The following HERC5 variants were observed in gnomAD, a reference collection of about 807,000 sequenced individuals.
HERC5 encodes E3 ISG15--protein ligase HERC5.
A neutral mutation model predicts 119.6 loss-of-function variants in HERC5; 99 were observed. The observed-to-expected ratio is 0.83, with a 90% CI of 0.70 to 0.98. HERC5 has a LOEUF of 0.98. HERC5 is among the 50% of genes least tolerant of loss of function. The probability of loss-of-function intolerance (pLI) is 0.00; values close to 1 mark genes in which losing one functional copy is unlikely to be tolerated. For missense variants in HERC5, 1,267 were observed against 1,241.3 expected (o/e 1.02, Z -0.31); for synonymous variants, 478 against 445.9 (o/e 1.07, Z -0.91).
In HERC5 at chr4:88,467,145, C is replaced by T. The variant is rs1336181014; in HGVS notation, c.998C>T (p.Thr333Ile). 1 of 1,614,148 alleles carries T rather than the reference C, an allele frequency of 6.2e-7. No homozygotes were observed. Among genetic ancestry groups the T allele is most frequent in the Non-Finnish European group, 8.5e-7 (1 of 1,180,008 alleles). The change falls in exon 7 of 23, where the codon ACA (threonine) becomes ATA (isoleucine). Residue 333 changes from threonine to isoleucine, a missense_variant. Physicochemically the swap from Thr to Ile is moderately conservative, Grantham distance 89 (BLOSUM62 -1). This residue lies in a region of HERC5 where 777 missense variants were observed against 758.0 expected (regional missense o/e 1.03). Transcript: ENST00000264350. ...GATGGACAACTGGGAAATGGTGGAA[C>T]ACGTGACCAGCTGATGCCGCTTCCA... ...GKDGQLGNGG[T>I]RDQLMPLPVK... is the part of the protein sequence containing the mutation.
At chr4:88,482,688 A>T (rs1281447374) in intron 13 of HERC5, among the ~76,000 whole-genome samples, 1 of 152,178 alleles carries the variant, frequency 6.6e-6, no homozygotes, top group Non-Finnish European at 1.5e-5. Flanking sequence ...CAGACCCCTT[A>T]TTCTGGGGGA....
At position 88,457,314 on chromosome 4, in the gene HERC5, G is replaced by A. The variant is rs781587665; in HGVS notation, c.45G>A (p.Ser15=). ...SRRKSRRNGR[S]TAGKAAATQP... The stretch of plus-strand genomic sequence containing the variant: ...GGAAGTCGCGGCGCAACGGGCGCTC[G>A]ACCGCGGGCAAGGCCGCCGCGACCC... Residue 15 remains serine, a synonymous_variant, in exon 1 of 23, where the codon TCG becomes TCA. Transcript: ENST00000264350. 4 of 1,380,168 alleles carry A rather than the reference G, an allele frequency of 2.9e-6. No individual in the cohort carries two copies. Among genetic ancestry groups the A allele is most frequent in the South Asian group, 1.6e-5 (1 of 62,700 alleles). 85.5% of individuals were successfully genotyped at this position (1,380,168 alleles called of 1,614,324 possible).
intron 13 of HERC5, among the ~76,000 whole-genome samples, chr4:88,480,186 T>C (rs749704194): frequency 6.6e-6 from 1 of 152,154 alleles, no homozygotes; most frequent in Non-Finnish European, 1.5e-5. Context: ...GGATAATCAT[T>C]CCCTTGCTCT....
intron 9 of HERC5, among the ~76,000 whole-genome samples, chr4:88,470,059 T>G (rs1740815882): frequency 6.6e-6 from 1 of 152,256 alleles, no homozygotes; most frequent in Admixed American, 6.5e-5. Context: ...ACAGAACTCC[T>G]ACCTATTCTT....
intron 14 of HERC5, 62 bp from the exon 15 acceptor site, chr4:88,487,007 G>A (rs1174861273): frequency 1.8e-6 from 2 of 1,134,768 alleles, no homozygotes; most frequent in Admixed American, 2.0e-5. Context: ...AAGGCTATGA[G>A]GTAAAGTGTA....
chr4:88,457,757 T>A, intron 1 of HERC5: 3 of 653,302 alleles, frequency 4.6e-6, no homozygotes, highest in Non-Finnish European at 6.5e-6. Context: ...CAGCGGATCC[T>A]CCGCTCAGCA....
chr4:88,458,563 G>T (rs1432783093), intron 1 of HERC5, among the ~76,000 whole-genome samples: 2 of 152,034 alleles, frequency 1.3e-5, no homozygotes, highest in East Asian at 1.9e-4. Flanking sequence ...CTCTTTAAAA[G>T]AAACCGTTAG....
At chr4:88,492,204 A>T (rs1369211203) in intron 16 of HERC5, among the ~76,000 whole-genome samples, 1 of 151,504 alleles carries the variant, frequency 6.6e-6, no homozygotes, top group Non-Finnish European at 1.5e-5. Flanking sequence ...GGGTTTCACC[A>T]TGTTGGCCAG....
At chr4:88,469,938 A>G (rs1374249550) in intron 9 of HERC5, among the ~76,000 whole-genome samples, 4 of 152,156 alleles carry the variant, frequency 2.6e-5, no homozygotes, top group East Asian at 1.9e-4. Flanking sequence ...AATAGAGTCT[A>G]TAGTGTTTCC....
chr4:88,470,050 C>T (rs983267724), intron 9 of HERC5, among the ~76,000 whole-genome samples: 7 of 152,234 alleles, frequency 4.6e-5, no homozygotes, highest in African/African-American at 1.7e-4. Context: ...TATAGGTTTA[C>T]AGAACTCCTA....
At chr4:88,469,082 G>C (rs2149091451) in intron 8 of HERC5, 75 bp from the exon 9 acceptor site, 1 of 858,422 alleles carries the variant, frequency 1.2e-6, no homozygotes, top group South Asian at 1.5e-5. Context: ...TTACTCTCTA[G>C]AGTGTACCTA....
At chr4:88,472,118 C>CCG (rs1412436370) in intron 10 of HERC5, among the ~76,000 whole-genome samples, 1 of 152,084 alleles carries the variant, frequency 6.6e-6, no homozygotes, top group Non-Finnish European at 1.5e-5. Flanking sequence ...GTCTCAGCCT[C>CCG]CCTCTGTGGC....
At chr4:88,459,595 T>C in intron 2 of HERC5, 125 bp downstream of exon 2, 2 of 622,328 alleles carry the variant, frequency 3.2e-6, no homozygotes, top group Non-Finnish European at 2.6e-6. Flanking sequence ...TAATAAATTC[T>C]GAACTGACCA....
intron 13 of HERC5, among the ~76,000 whole-genome samples, chr4:88,484,447 C>T (rs1741390824): frequency 6.6e-6 from 1 of 152,162 alleles, no homozygotes; most frequent in Non-Finnish European, 1.5e-5. Context: ...CTAGAGATAC[C>T]ACCAGTTTGG....
chr4:88,474,924 A>G (rs1404615895), intron 11 of HERC5, among the ~76,000 whole-genome samples: 1 of 152,214 alleles, frequency 6.6e-6, no homozygotes, highest in African/African-American at 2.4e-5. Context: ...ACAAATGATT[A>G]CTGTGATCTA....
chr4:88,460,020 AC>A, intron 2 of HERC5, 74 bp from the exon 3 acceptor site: 2 of 731,630 alleles, frequency 2.7e-6, no homozygotes, highest in Non-Finnish European at 4.5e-6. Context: ...CTAATTAAAT[AC>A]TATTAATAGT....
chr4:88,483,275 C>T (rs1488576567), intron 13 of HERC5, among the ~76,000 whole-genome samples: 2 of 151,998 alleles, frequency 1.3e-5, no homozygotes, highest in Non-Finnish European at 2.9e-5. Context: ...GTGGTGCAGT[C>T]ATGGCTCACT....
At chr4:88,475,480 A>G (rs943031186) in intron 11 of HERC5, among the ~76,000 whole-genome samples, 1 of 151,752 alleles carries the variant, frequency 6.6e-6, no homozygotes, top group Non-Finnish European at 1.5e-5. Flanking sequence ...CGTCACGCCC[A>G]GCTAATTTTC....
chr4:88,469,491 T>G (rs1740791575), intron 9 of HERC5, among the ~76,000 whole-genome samples: 1 of 152,014 alleles, frequency 6.6e-6, no homozygotes, highest in Admixed American at 6.6e-5. Context: ...GCTTATGAGA[T>G]TGTAGGGGCT....
Sources: gnomAD v4.1 joint callset for allele counts (sites outside exome capture counted in the v4.1 genomes callset) on GRCh38, gnomAD v4.1.1 for gene constraint, gnomAD v4.1.1 regional missense constraint, MANE v1.5 for transcripts, NCBI Gene and HGNC (gene_info 2026-07-23, HGNC 2026-07-21) for gene names.